The following RBMS3 variants were observed in gnomAD, a reference collection of about 807,000 sequenced individuals.
RBMS3 encodes the protein RNA-binding motif, single-stranded-interacting protein 3.
In RBMS3, 27 loss-of-function variants were observed where a neutral mutation model predicts 66.8. That is an observed-to-expected ratio of 0.40 (90% CI 0.30 to 0.56). The LOEUF (loss-of-function observed/expected upper bound fraction) is 0.56. RBMS3 is among the 20% of genes least tolerant of loss of function. The probability of loss-of-function intolerance (pLI) is 0.40; values close to 1 mark genes in which losing one functional copy is unlikely to be tolerated. For missense variants in RBMS3, 513 were observed against 549.5 expected, an observed-to-expected ratio of 0.93 and a Z score of 0.66; for synonymous variants, 188 against 183.0, an observed-to-expected ratio of 1.03 and a Z score of -0.22.
chr3:29,395,855 A>G (rs1339387880), intron 1 of RBMS3, among the ~76,000 whole-genome samples: 1 of 152,192 alleles, frequency 6.6e-6, no homozygotes, highest in East Asian at 1.9e-4. Flanking sequence ...TTCCCACATA[A>G]ATAATGAAAC....
At chr3:29,901,512 G>A (rs896879347) in intron 10 of RBMS3, among the ~76,000 whole-genome samples, 4 of 151,662 alleles carry the variant, frequency 2.6e-5, no homozygotes, top group African/African-American at 9.7e-5. Context: ...TGGTTGTATG[G>A]GACTTTATTT....
chr3:29,773,183 A>T (rs2056282393), intron 6 of RBMS3, among the ~76,000 whole-genome samples: 1 of 151,950 alleles, frequency 6.6e-6, no homozygotes, highest in Non-Finnish European at 1.5e-5. Flanking sequence ...TCAAGCATAG[A>T]CCATGCTCAC....
intron 14 of RBMS3, among the ~76,000 whole-genome samples, chr3:29,999,466 A>G (rs1323163400): frequency 6.6e-6 from 1 of 152,238 alleles, no homozygotes; most frequent in Non-Finnish European, 1.5e-5. Context: ...ATGCACATGT[A>G]TGTTTATAGC....
Position 29,991,228 on chromosome 3 carries a change from A to AAGCTCTTTTCCTCAAGATCAGCCATC in RBMS3, c.1307+20_1307+45dup. On this transcript the variant is annotated intron_variant, in intron 14 of 14. Transcript: ENST00000383767. ...AGTCTAAGTAAGTCTGGGCTGTGCT[A>AAGCTCTTTTCCTCAAGATCAGCCATC]AGCTCTTTTCCTCAAGATCAGCCAT... The AAGCTCTTTTCCTCAAGATCAGCCATC allele has an allele frequency of 6.2e-7, 1 of 1,613,892 alleles. No homozygotes were observed. Among genetic ancestry groups the AAGCTCTTTTCCTCAAGATCAGCCATC allele is most frequent in the Non-Finnish European group, 8.5e-7 (1 of 1,179,908 alleles).
In RBMS3 at chr3:29,281,486, T is replaced by TC. The variant is rs397763717; in HGVS notation, c.-194dup. On this transcript the variant is annotated 5_prime_UTR_variant, in exon 1 of 15. Coordinates refer to ENST00000383767, the MANE Select transcript of RBMS3 (RefSeq NM_001003793.3). ...TCTCACTCCTCGCCCTTTTTTTTTT[T>TC]CCTTTGGTGTGTGTTTTTTGTTTTG... is the stretch of plus-strand genomic sequence containing the variant. 18 of 566,582 alleles carry TC rather than the reference T, an allele frequency of 3.2e-5. No homozygotes were observed. Among genetic ancestry groups the TC allele is most frequent in the African/African-American group, 2.1e-4 (11 of 51,268 alleles). 35.1% of individuals were successfully genotyped at this position (566,582 alleles called of 1,614,324 possible). A position where few individuals can be genotyped will look rare whatever the true frequency, so the allele number is the denominator to read the frequency against.
At chr3:29,749,907 A>G (rs2055096267) in intron 5 of RBMS3, among the ~76,000 whole-genome samples, 1 of 152,240 alleles carries the variant, frequency 6.6e-6, no homozygotes, top group East Asian at 1.9e-4. Context: ...CTATATTGCC[A>G]TAAAACAAGA....
At chr3:29,713,322 T>C (rs888321931) in intron 4 of RBMS3, among the ~76,000 whole-genome samples, 2 of 152,072 alleles carry the variant, frequency 1.3e-5, no homozygotes, top group African/African-American at 4.8e-5. Context: ...TGCTTCTCAC[T>C]GAAAAGAAAG....
Position 30,009,090 on chromosome 3 carries a change from G to C in RBMS3, c.*5228G>C, listed in dbSNP as rs1699885313. The stretch of plus-strand genomic sequence containing the variant: ...CTTCCACTTAGAAAGCTTTAAAGCT[G>C]AAGTAGAGGTGCAGTCAAGCTTGGA... On this transcript the variant is annotated 3_prime_UTR_variant, in exon 15 of 15. Coordinates refer to ENST00000383767, the MANE Select transcript of RBMS3 (RefSeq NM_001003793.3). 1 of 152,108 alleles carries C rather than the reference G, an allele frequency of 6.6e-6. No homozygotes were observed. The highest frequency in any genetic ancestry group is 1.5e-5 in the Non-Finnish European group (1 of 67,978). 9.4% of individuals were successfully genotyped at this position (152,108 alleles called of 1,614,324 possible). A position where few individuals can be genotyped will look rare whatever the true frequency, so the allele number is the denominator to read the frequency against.
At chr3:29,760,270 TACACACACACACCCCTACACAC>T (rs1006655468) in intron 5 of RBMS3, among the ~76,000 whole-genome samples, 1 of 139,532 alleles carries the variant, frequency 7.2e-6, no homozygotes, top group Non-Finnish European at 1.6e-5. Context: ...CACACACACA[TACACACACACACCCCTACACAC>T]ACACACACAC....
intron 8 of RBMS3, among the ~76,000 whole-genome samples, chr3:29,888,254 G>A (rs955091948): frequency 6.6e-6 from 1 of 151,562 alleles, no homozygotes; most frequent in Non-Finnish European, 1.5e-5. Flanking sequence ...ACACATTTTA[G>A]TTAAGAAGCT....
chr3:29,514,636 A>G (rs544538181), intron 3 of RBMS3, among the ~76,000 whole-genome samples: 4 of 103,988 alleles, frequency 3.8e-5, no homozygotes, highest in Non-Finnish European at 5.4e-5. Flanking sequence ...GCATATATAT[A>G]TGTGTGATAG....
chr3:29,581,971 C>G (rs980795083), intron 3 of RBMS3, among the ~76,000 whole-genome samples: 5 of 152,074 alleles, frequency 3.3e-5, no homozygotes, highest in African/African-American at 1.2e-4. Context: ...CACAGCAACA[C>G]AGAAGTATAA....
At chr3:29,820,074 A>G (rs991462054) in intron 6 of RBMS3, among the ~76,000 whole-genome samples, 54 of 151,800 alleles carry the variant, frequency 3.6e-4, no homozygotes, top group African/African-American at 1.2e-3. Context: ...GCATGCCTGT[A>G]GTCCCAGCTA....
chr3:29,742,357 A>G (rs1035674500), intron 5 of RBMS3, among the ~76,000 whole-genome samples: 1 of 152,144 alleles, frequency 6.6e-6, no homozygotes, highest in African/African-American at 2.4e-5. Flanking sequence ...TCATCATGTC[A>G]GGGTCCTGCT....
chr3:29,989,139 G>C (rs2371909), intron 13 of RBMS3, among the ~76,000 whole-genome samples: 1 of 152,110 alleles, frequency 6.6e-6, no homozygotes, highest in Non-Finnish European at 1.5e-5. Context: ...GAAAGAAGTT[G>C]TACAACTCTT....
chr3:29,805,285 T>C (rs2057512925), intron 6 of RBMS3, among the ~76,000 whole-genome samples: 1 of 152,054 alleles, frequency 6.6e-6, no homozygotes, highest in South Asian at 2.1e-4. Context: ...CATATAAAAG[T>C]ATAGCAATAC....
Position 29,372,908 on chromosome 3 carries a change from C to G in RBMS3, c.76-61835C>G, listed in dbSNP as rs115708372. Among the ~76,000 whole-genome samples the G allele has an allele frequency of 4.0e-3, 609 of 150,560 alleles. 6 individuals are homozygous for G. The highest frequency in any genetic ancestry group is 0.014 in the African/African-American group (584 of 41,168). The stretch of plus-strand genomic sequence containing the variant: ...AAAAAAAAAAACAAAAAAGAAAAAA[C>G]GCCTTGAAACCATTAGAGTGGCGCC... On this transcript the variant is annotated intron_variant, in intron 1 of 14. Coordinates refer to ENST00000383767, the MANE Select transcript of RBMS3 (RefSeq NM_001003793.3).
At chr3:29,831,169 G>C (rs976470771) in intron 6 of RBMS3, among the ~76,000 whole-genome samples, 1 of 152,174 alleles carries the variant, frequency 6.6e-6, no homozygotes, top group African/African-American at 2.4e-5. Flanking sequence ...AGGAATGAAA[G>C]TATGGCTACT....
At chr3:29,468,014 C>G (rs2042598595) in intron 2 of RBMS3, among the ~76,000 whole-genome samples, 2 of 152,068 alleles carry the variant, frequency 1.3e-5, no homozygotes, top group Admixed American at 1.3e-4. Flanking sequence ...TGCCTGTTGG[C>G]TACAGTTTAA....
Sources: allele counts gnomAD v4.1 joint callset (sites outside exome capture counted in the v4.1 genomes callset), GRCh38; gene constraint gnomAD v4.1.1; transcripts MANE v1.5; gene names NCBI Gene and HGNC (gene_info 2026-07-23, HGNC 2026-07-21).